Variants in ZNF385D observed in about 807,000 individuals in gnomAD.
The protein encoded by ZNF385D is zinc finger protein 659.
Under a neutral mutation model 35.8 loss-of-function variants are expected in ZNF385D, and 15 were observed. The observed-to-expected ratio is 0.42, with a 90% CI of 0.28 to 0.64. The LOEUF (loss-of-function observed/expected upper bound fraction) is 0.64. Among genes scored for constraint, ZNF385D ranks in the 30% least tolerant of loss-of-function variants. The pLI is 0.23. For synonymous variants in ZNF385D, 212 were observed against 186.8 expected (o/e 1.13, Z -1.10); for missense variants, 474 against 494.6 (o/e 0.96, Z 0.39).
chr3:21,798,009 CTGTAG>C (rs1231756650), intron 3 of ZNF385D, among the ~76,000 whole-genome samples: 5 of 152,130 alleles, frequency 3.3e-5, no homozygotes, highest in Admixed American at 2.0e-4. Flanking sequence ...AACCCTAGTG[CTGTAG>C]TGTAAACTAT....
chr3:22,175,174 A>C (rs2125769134), intron 2 of ZNF385D, among the ~76,000 whole-genome samples: 1 of 152,112 alleles, frequency 6.6e-6, no homozygotes, highest in South Asian at 2.1e-4. Context: ...ACCAGCTCAT[A>C]AAATGAAGGT....
intron 3 of ZNF385D, among the ~76,000 whole-genome samples, chr3:22,114,396 T>C (rs1702703875): frequency 6.6e-6 from 1 of 152,160 alleles, no homozygotes; most frequent in Admixed American, 6.6e-5. Context: ...ATCCATTTGT[T>C]CATCATTTAA....
At chr3:22,284,729 T>C (rs1040862558) in intron 2 of ZNF385D, among the ~76,000 whole-genome samples, 2 of 152,100 alleles carry the variant, frequency 1.3e-5, no homozygotes, top group Non-Finnish European at 2.9e-5. Flanking sequence ...GAGATTCTTA[T>C]TCAATGAATC....
At chr3:21,882,167 T>G (rs1221433276) in intron 3 of ZNF385D, among the ~76,000 whole-genome samples, 1 of 152,044 alleles carries the variant, frequency 6.6e-6, no homozygotes, top group Admixed American at 6.6e-5. Context: ...GAAATTCTAC[T>G]GTGAGTAAAA....
At chr3:21,793,311 AAATGAGGTATT>A (rs1559627025) in intron 3 of ZNF385D, among the ~76,000 whole-genome samples, 2 of 152,234 alleles carry the variant, frequency 1.3e-5, no homozygotes, top group East Asian at 3.8e-4. Flanking sequence ...GATAAGAATC[AAATGAGGTATT>A]GTTAAGGAAA....
intron 3 of ZNF385D, among the ~76,000 whole-genome samples, chr3:21,513,282 A>C (rs1707342957): frequency 6.6e-6 from 1 of 152,184 alleles, no homozygotes; most frequent in South Asian, 2.1e-4. Flanking sequence ...GCACAGGCAC[A>C]ACTAAACCAA....
intron 1 of ZNF385D, among the ~76,000 whole-genome samples, chr3:21,730,369 A>T (rs1227739490): frequency 6.6e-6 from 1 of 152,226 alleles, no homozygotes; most frequent in East Asian, 1.9e-4. Flanking sequence ...CAAAAGAACT[A>T]TGTGGGAAGC....
intron 1 of ZNF385D, among the ~76,000 whole-genome samples, chr3:21,740,468 T>C (rs1302263595): frequency 6.6e-6 from 1 of 152,190 alleles, no homozygotes; most frequent in African/African-American, 2.4e-5. Context: ...TCCAGAACTA[T>C]ATTACTGTGA....
intron 3 of ZNF385D, among the ~76,000 whole-genome samples, chr3:22,030,293 A>ATATGTATG (rs1697903303): frequency 1.0e-5 from 1 of 97,084 alleles, no homozygotes; most frequent in Non-Finnish European, 2.0e-5. Context: ...ATATATATAT[A>ATATGTATG]TATATATATC....
At chr3:21,550,702 C>T (rs948169977) in intron 3 of ZNF385D, among the ~76,000 whole-genome samples, 1 of 152,142 alleles carries the variant, frequency 6.6e-6, no homozygotes, top group East Asian at 1.9e-4. Flanking sequence ...AGGCTGGTCT[C>T]GAATTCCTGA....
intron 3 of ZNF385D, among the ~76,000 whole-genome samples, chr3:21,948,607 G>T (rs1380296175): frequency 6.6e-6 from 1 of 151,902 alleles, no homozygotes; most frequent in Admixed American, 6.6e-5. Context: ...TACTGAATTG[G>T]CATATAATAT....
intron 3 of ZNF385D, among the ~76,000 whole-genome samples, chr3:22,064,777 G>C (rs1424219034): frequency 6.6e-6 from 1 of 152,128 alleles, no homozygotes; most frequent in Non-Finnish European, 1.5e-5. Flanking sequence ...CCAGAGTCTT[G>C]GGCAGAGTCC....
At chr3:22,098,671 T>C (rs1701763605) in intron 3 of ZNF385D, among the ~76,000 whole-genome samples, 1 of 152,068 alleles carries the variant, frequency 6.6e-6, no homozygotes, top group Non-Finnish European at 1.5e-5. Flanking sequence ...ACATGAACAA[T>C]TTATTCACAA....
chr3:21,591,051 A>G (rs899916520), intron 2 of ZNF385D, among the ~76,000 whole-genome samples: 3 of 151,942 alleles, frequency 2.0e-5, no homozygotes, highest in Non-Finnish European at 4.4e-5. Flanking sequence ...ATTAAAAATG[A>G]GCTGGGCATG....
chr3:22,148,234 T>C (rs1466024368), intron 3 of ZNF385D, among the ~76,000 whole-genome samples: 12 of 152,170 alleles, frequency 7.9e-5, no homozygotes, highest in Admixed American at 7.9e-4. Context: ...TCCAATTAAG[T>C]ACCAATTTGC....
intron 2 of ZNF385D, among the ~76,000 whole-genome samples, chr3:22,171,539 AAAG>A (rs1448682160): frequency 6.6e-5 from 10 of 152,230 alleles, no homozygotes; most frequent in Non-Finnish European, 1.3e-4. Context: ...ACTAAGGAAA[AAAG>A]AGAACCTCAA....
intron 3 of ZNF385D, among the ~76,000 whole-genome samples, chr3:21,959,207 G>C (rs988572908): frequency 1.3e-5 from 2 of 152,240 alleles, no homozygotes; most frequent in South Asian, 4.1e-4. Flanking sequence ...CTTGGTTAGA[G>C]ATCTATTTAA....
chr3:21,893,731 G>C (rs534857726), intron 3 of ZNF385D, among the ~76,000 whole-genome samples: 1 of 152,074 alleles, frequency 6.6e-6, no homozygotes, highest in South Asian at 2.1e-4. Flanking sequence ...TTTCCCTCTC[G>C]TCAAGTCTAG....
intron 3 of ZNF385D, among the ~76,000 whole-genome samples, chr3:22,156,786 A>T (rs1387215389): frequency 6.6e-6 from 1 of 152,100 alleles, no homozygotes; most frequent in Non-Finnish European, 1.5e-5. Flanking sequence ...CCGAACGCAT[A>T]CCAGGGAATC....
Sources: gnomAD v4.1 joint callset for allele counts (sites outside exome capture counted in the v4.1 genomes callset) on GRCh38, gnomAD v4.1.1 for gene constraint, MANE v1.5 for transcripts, NCBI Gene and HGNC (gene_info 2026-07-23, HGNC 2026-07-21) for gene names.